Variants in VPS35L observed in about 807,000 individuals in gnomAD.
The protein encoded by VPS35L is VPS35 endosomal protein sorting factor like.
Under a neutral mutation model 133.0 loss-of-function variants are expected in VPS35L, and 83 were observed. That is an observed-to-expected ratio of 0.62 (90% CI 0.52 to 0.75). VPS35L has a LOEUF of 0.75. Among genes scored for constraint, VPS35L ranks in the 30% least tolerant of loss-of-function variants. The pLI is 0.00. For missense variants in VPS35L, 1,083 were observed against 1,206.8 expected, an observed-to-expected ratio of 0.90 and a Z score of 1.52; for synonymous variants, 423 against 449.9, an observed-to-expected ratio of 0.94 and a Z score of 0.76.
chr16:19,613,082 C>T (rs984808726), intron 12 of VPS35L, among the ~76,000 whole-genome samples: 5 of 152,202 alleles, frequency 3.3e-5, no homozygotes, highest in Admixed American at 6.5e-5. Context: ...GGGCAGATCA[C>T]TTGAGGTCAG....
intron 6 of VPS35L, among the ~76,000 whole-genome samples, chr16:19,580,524 G>T (rs1971676297): frequency 6.6e-6 from 1 of 152,140 alleles, no homozygotes; most frequent in Admixed American, 6.6e-5. Flanking sequence ...ACTCCTGTGA[G>T]TTGTGTGAAG....
rs781195621 is a variant in VPS35L, at chr16:19,699,599, A to T, written c.2744A>T (p.Asn915Ile). Reference sequence around the variant, plus strand: ...AACAAGCTCAACCAGCTCTCCGTCAACCTGTGGCACCTGGCACAGAGGCAC... The same window carrying T: ...AACAAGCTCAACCAGCTCTCCGTCATCCTGTGGCACCTGGCACAGAGGCAC... ...RNNKLNQLSV[N>I]LWHLAQRHGC... Residue 915 changes from asparagine (N) to isoleucine (I), a missense_variant, in exon 30 of 31, where the codon AAC (asparagine) becomes ATC (isoleucine). Physicochemically the swap from Asn to Ile is moderately radical, Grantham distance 149. Coordinates refer to ENST00000417362, the MANE Select transcript of VPS35L (RefSeq NM_020314.7). The surrounding 1 kb of genome is among the most constrained non-coding windows in gnomAD (Gnocchi z 4.2). 1 of 1,614,092 alleles carries T rather than the reference A, an allele frequency of 6.2e-7. No individual in the cohort carries two copies. Among genetic ancestry groups the T allele is most frequent in the East Asian group, 2.2e-5 (1 of 44,870 alleles).
intron 27 of VPS35L, among the ~76,000 whole-genome samples, chr16:19,679,494 TA>T (rs1975187683): frequency 2.8e-5 from 4 of 143,234 alleles, no homozygotes; most frequent in African/African-American, 1.1e-4. Flanking sequence ...TTTATTTATT[TA>T]TTTATTTATT....
intron 26 of VPS35L, among the ~76,000 whole-genome samples, chr16:19,660,092 G>A (rs1013121282): frequency 2.6e-5 from 4 of 152,088 alleles, no homozygotes; most frequent in East Asian, 1.9e-4. Context: ...TTGGGAGGCC[G>A]AGACGGTGGA....
At chr16:19,678,015 C>T (rs1318123438) in intron 27 of VPS35L, among the ~76,000 whole-genome samples, 14 of 152,320 alleles carry the variant, frequency 9.2e-5, no homozygotes, top group Non-Finnish European at 2.9e-5. Context: ...TGGTCAGTGA[C>T]GAGCCAGGGT....
chr16:19,652,106 T>C lies in VPS35L; in HGVS notation c.2221+16T>C, dbSNP rs1974149443. On this transcript the variant is annotated intron_variant, in intron 26 of 30. Coordinates refer to ENST00000417362, the MANE Select transcript of VPS35L (RefSeq NM_020314.7). ...CTCTCCCAAGGTAAGTCCATCATTC[T>C]CTCATCTCGGGCACTCCCTTGCTGC... is the stretch of plus-strand genomic sequence containing the variant. The C allele has an allele frequency of 6.6e-7, 1 of 1,520,190 alleles. No individual in the cohort carries two copies. 94.2% of individuals were successfully genotyped at this position (1,520,190 alleles called of 1,614,324 possible). A position where few individuals can be genotyped will look rare whatever the true frequency, so the allele number is the denominator to read the frequency against.
intron 27 of VPS35L, among the ~76,000 whole-genome samples, chr16:19,678,373 T>C (rs1210521417): frequency 6.6e-6 from 1 of 152,050 alleles, no homozygotes; most frequent in Non-Finnish European, 1.5e-5. Flanking sequence ...GGGGACACCT[T>C]TTCCCACTGG....
chr16:19,627,623 T>C (rs1187781346), intron 15 of VPS35L, 71 bp from the exon 16 acceptor site: 1 of 1,191,520 alleles, frequency 8.4e-7, no homozygotes, highest in Non-Finnish European at 1.2e-6. Flanking sequence ...TTCCTGGCAA[T>C]ATATATTCAA....
intron 18 of VPS35L, among the ~76,000 whole-genome samples, chr16:19,631,423 A>G (rs1295462112): frequency 2.0e-5 from 3 of 152,290 alleles, no homozygotes; most frequent in Non-Finnish European, 4.4e-5. Flanking sequence ...CCTGGCCTCT[A>G]ACACCAAAAT....
chr16:19,661,082 A>C (rs1050248745), intron 26 of VPS35L, among the ~76,000 whole-genome samples: 1 of 147,230 alleles, frequency 6.8e-6, no homozygotes, highest in Non-Finnish European at 1.5e-5. Flanking sequence ...ATATATATAT[A>C]TATGTAGTTC....
In VPS35L at chr16:19,639,114, G is replaced by A. The variant is rs62024068; in HGVS notation, c.1699-901G>A. 0.085 allele frequency among the ~76,000 whole-genome samples: 12,927 copies of A among 152,204 alleles called. 744 individuals carry two copies. The highest frequency in any genetic ancestry group is 0.23 in the East Asian group (1,168 of 5,184). On this transcript the variant is annotated intron_variant, in intron 20 of 30. Transcript: ENST00000417362. This position sits in a 1 kb window ranked among gnomAD's most constrained non-coding sequence, Gnocchi z 4.1. ...AATAAAAATAAAAATGAAAATGAATGAAGTGCTTATTTCTAGAATTTTCTA... is the reference window on the plus strand; with the variant it reads ...AATAAAAATAAAAATGAAAATGAATAAAGTGCTTATTTCTAGAATTTTCTA...
chr16:19,653,155 A>G (rs1357576040), intron 26 of VPS35L, among the ~76,000 whole-genome samples: 1 of 152,122 alleles, frequency 6.6e-6, no homozygotes, highest in Non-Finnish European at 1.5e-5. Context: ...TGCTTCTAGG[A>G]TATTAACCCC....
intron 12 of VPS35L, among the ~76,000 whole-genome samples, chr16:19,611,010 T>G (rs1205782673): frequency 6.6e-6 from 1 of 152,160 alleles, no homozygotes; most frequent in Non-Finnish European, 1.5e-5. Context: ...TGGTCTTTCT[T>G]TTTTTTGGAG....
chr16:19,595,545 G>A (rs548976836), intron 8 of VPS35L, among the ~76,000 whole-genome samples: 3 of 152,160 alleles, frequency 2.0e-5, no homozygotes, highest in East Asian at 1.9e-4. Flanking sequence ...TCCCTCGCCC[G>A]CCTCTCCTAA....
intron 3 of VPS35L, among the ~76,000 whole-genome samples, chr16:19,570,298 A>C (rs933618791): frequency 2.0e-5 from 3 of 152,100 alleles, no homozygotes; most frequent in African/African-American, 4.8e-5. Context: ...CTTGACCTCA[A>C]GTGATCCACC....
chr16:19,619,797 T>C (rs778294622), intron 14 of VPS35L, among the ~76,000 whole-genome samples: 20 of 152,112 alleles, frequency 1.3e-4, no homozygotes, highest in Non-Finnish European at 2.5e-4. Context: ...TTAAAAAAAA[T>C]AGTCATTTTC....
Position 19,651,971 on chromosome 16 carries a change from C to A in VPS35L, c.2107-5C>A. 1 of 1,584,032 alleles carries A rather than the reference C, an allele frequency of 6.3e-7. No homozygotes were observed. Among genetic ancestry groups the A allele is most frequent in the South Asian group, 1.1e-5 (1 of 89,974 alleles). On this transcript the variant is annotated splice_polypyrimidine_tract_variant and splice_region_variant and intron_variant, in intron 25 of 30. Coordinates refer to ENST00000417362, the MANE Select transcript of VPS35L (RefSeq NM_020314.7). ...CTAGCGTTAATGTTTCTTCCCTTCT[C>A]CTAGGCCTGTGTTGCCTACTGCTTC...
intron 26 of VPS35L, among the ~76,000 whole-genome samples, chr16:19,653,226 G>C (rs539390009): frequency 6.6e-6 from 1 of 152,190 alleles, no homozygotes; most frequent in Non-Finnish European, 1.5e-5. Context: ...GAAAGCCCAA[G>C]TGTTTGCTGC....
chr16:19,581,493 C>T, intron 6 of VPS35L, 32 bp from the exon 7 acceptor site: 1 of 1,525,078 alleles, frequency 6.6e-7, no homozygotes, highest in Admixed American at 2.1e-5. Flanking sequence ...GTTTTTCCTG[C>T]TATGCCTTCA....
Sources: gnomAD v4.1 joint callset for allele counts (sites outside exome capture counted in the v4.1 genomes callset) on GRCh38, gnomAD v4.1.1 for gene constraint, Gnocchi (gnomAD v3.1) non-coding constraint, MANE v1.5 for transcripts, NCBI Gene and HGNC (gene_info 2026-07-23, HGNC 2026-07-21) for gene names.